The following RCSD1 variants were observed in gnomAD, a reference collection of about 807,000 sequenced individuals.
RCSD1 encodes the protein RCSD domain containing 1.
Under a neutral mutation model 42.5 loss-of-function variants are expected in RCSD1, and 26 were observed. The ratio of observed to expected loss-of-function variants is 0.61; its 90% confidence interval spans 0.45 to 0.85. The LOEUF (loss-of-function observed/expected upper bound fraction) is 0.85. RCSD1 is among the 40% of genes least tolerant of loss of function. The pLI is 0.00. For missense variants in RCSD1, 571 were observed against 528.3 expected (o/e 1.08, Z -0.79); for synonymous variants, 220 against 212.2 (o/e 1.04, Z -0.32).
chr1:167,680,693 G>A (rs555579903), intron 1 of RCSD1, among the ~76,000 whole-genome samples: 3 of 152,186 alleles, frequency 2.0e-5, no homozygotes, highest in Non-Finnish European at 4.4e-5. Context: ...GTCTGGTCTC[G>A]AACTCCTGAG....
intron 1 of RCSD1, among the ~76,000 whole-genome samples, chr1:167,642,705 T>A (rs1344790936): frequency 6.6e-6 from 1 of 152,182 alleles, no homozygotes; most frequent in African/African-American, 2.4e-5. Context: ...CATGGAATTG[T>A]CTACGCCTTT....
rs749213789 is a variant in RCSD1, at chr1:167,697,452, G to A, written c.828G>A (p.Pro276=). 15 of 1,611,376 alleles carry A rather than the reference G, an allele frequency of 9.3e-6. No homozygotes were observed. The highest frequency in any genetic ancestry group is 8.8e-5 in the South Asian group (8 of 90,724). Residue 276 remains proline, a synonymous_variant, in exon 6 of 7, where the codon CCG becomes CCA. Transcript: ENST00000367854. The part of the protein sequence containing the change: ...RSSEEVDGQH[P]AQEEVPESPQ... ...CAGAGGAGGTGGACGGCCAGCACCC[G>A]GCCCAAGAGGAGGTCCCGGAATCGC...
At position 167,697,853 on chromosome 1, in the gene RCSD1, T is replaced by C; in HGVS notation, c.1218+11T>C. 6.9e-7 allele frequency: 1 copy of C among 1,456,040 alleles called. No individual in the cohort carries two copies. Among genetic ancestry groups the C allele is most frequent in the South Asian group, 1.5e-5 (1 of 67,480 alleles). 90.2% of individuals were successfully genotyped at this position (1,456,040 alleles called of 1,614,324 possible). A position where few individuals can be genotyped will look rare whatever the true frequency, so the allele number is the denominator to read the frequency against. ...GTCCCCAAGCCGGAGGTAGGTGGCC[T>C]GGCTCGTTCACATGCAGAAGGCAGT... On this transcript the variant is annotated intron_variant, in intron 6 of 6. Coordinates refer to ENST00000367854, the MANE Select transcript of RCSD1 (RefSeq NM_052862.4).
Position 167,673,346 on chromosome 1 carries a change from A to G in RCSD1, c.7-10554A>G, listed in dbSNP as rs543485227. 2.0e-5 allele frequency among the ~76,000 whole-genome samples: 3 copies of G among 152,342 alleles called. No individual in the cohort carries two copies. In the South Asian group the frequency reaches 6.2e-4, roughly 32 times the overall value. ...ATCTGCTTCCGCGTAATCCTTCTAA[A>G]CAGCAAATCAGATAACTTCCCTCAT... On this transcript the variant is annotated intron_variant, in intron 1 of 6. Coordinates refer to ENST00000367854, the MANE Select transcript of RCSD1 (RefSeq NM_052862.4).
intron 1 of RCSD1, among the ~76,000 whole-genome samples, chr1:167,651,992 C>G (rs551832302): frequency 4.6e-5 from 7 of 151,958 alleles, no homozygotes; most frequent in South Asian, 2.1e-4. Context: ...GAGGTTCCCC[C>G]AGCCCAGGCT....
At chr1:167,677,211 C>T (rs533853910) in intron 1 of RCSD1, among the ~76,000 whole-genome samples, 46 of 152,350 alleles carry the variant, frequency 3.0e-4, no homozygotes, top group African/African-American at 1.1e-3. Flanking sequence ...GCTGTTCACT[C>T]CTTGAGGGCC....
At chr1:167,633,190 TG>T (rs1657747699) in intron 1 of RCSD1, among the ~76,000 whole-genome samples, 1 of 152,212 alleles carries the variant, frequency 6.6e-6, no homozygotes, top group South Asian at 2.1e-4. Context: ...TAAAGCCCTG[TG>T]GAATAAACAA....
In RCSD1 at chr1:167,708,407, C is replaced by T. The variant is rs114357877; in HGVS notation, c.*3711C>T. Among the ~76,000 whole-genome samples, 4,737 of 152,212 alleles carry T rather than the reference C, an allele frequency of 0.031. 233 individuals carry two copies. The highest frequency in any genetic ancestry group is 0.11 in the African/African-American group (4,472 of 41,522). ...CCAACTAGTTCTAGTCAAGTTTTTG[C>T]TCGATGGACCACGTGAAAAAAGGAT... is the stretch of plus-strand genomic sequence containing the variant. On this transcript the variant is annotated 3_prime_UTR_variant, in exon 7 of 7. Coordinates refer to ENST00000367854, the MANE Select transcript of RCSD1 (RefSeq NM_052862.4).
chr1:167,686,288 C>T (rs1234991976), intron 3 of RCSD1, among the ~76,000 whole-genome samples: 3 of 152,174 alleles, frequency 2.0e-5, no homozygotes, highest in Non-Finnish European at 4.4e-5. Context: ...AAGACAATGT[C>T]ATTCCCAAAT....
rs111839916 is a variant in RCSD1, at chr1:167,679,528, G to A, written c.7-4372G>A. 4.5e-3 allele frequency among the ~76,000 whole-genome samples: 690 copies of A among 152,346 alleles called. 4 individuals are homozygous for A. The highest frequency in any genetic ancestry group is 0.016 in the African/African-American group (650 of 41,576). On this transcript the variant is annotated intron_variant, in intron 1 of 6. Coordinates refer to ENST00000367854, the MANE Select transcript of RCSD1 (RefSeq NM_052862.4). ...GTCTTTTTGAAGTGATGATTTAAGC[G>A]TGGTCACACTGGAAGGGGTGATCCC...
intron 1 of RCSD1, among the ~76,000 whole-genome samples, chr1:167,678,442 C>G (rs553609505): frequency 3.1e-4 from 45 of 147,478 alleles, no homozygotes; most frequent in African/African-American, 1.0e-3. Flanking sequence ...CCCCATGCAT[C>G]CCGTTATCCA....
chr1:167,702,276 T>C (rs1368761650), intron 6 of RCSD1, among the ~76,000 whole-genome samples: 7 of 152,224 alleles, frequency 4.6e-5, no homozygotes, highest in African/African-American at 1.7e-4. Context: ...ATCAGACGTG[T>C]GAAAGCACTA....
At chr1:167,647,694 A>G (rs1658196202) in intron 1 of RCSD1, among the ~76,000 whole-genome samples, 1 of 152,180 alleles carries the variant, frequency 6.6e-6, no homozygotes, top group African/African-American at 2.4e-5. Context: ...AGCTGTGATC[A>G]TACCACTGCA....
chr1:167,698,181 TG>T (rs1214899922), intron 6 of RCSD1, among the ~76,000 whole-genome samples: 1 of 152,182 alleles, frequency 6.6e-6, no homozygotes, highest in Non-Finnish European at 1.5e-5. Context: ...TGCAGGAGCC[TG>T]GGCATGCTGC....
chr1:167,645,912 C>T (rs773078420), intron 1 of RCSD1, among the ~76,000 whole-genome samples: 51 of 151,688 alleles, frequency 3.4e-4, no homozygotes, highest in Admixed American at 7.9e-4. Flanking sequence ...GTGGGGCTCA[C>T]GGGATGGAAG....
rs528300750 is a variant in RCSD1, at chr1:167,686,253, A to G, written c.198+743A>G. Among the ~76,000 whole-genome samples the G allele has an allele frequency of 1.3e-4, 20 of 152,286 alleles. 1 individual carries two copies. The South Asian group carries it at 1.5e-3, about 11-fold the overall frequency. On this transcript the variant is annotated intron_variant, in intron 3 of 6. Coordinates refer to ENST00000367854, the MANE Select transcript of RCSD1 (RefSeq NM_052862.4). ...TTCTGTCATCTCACCTGGGAGGCCA[A>G]CCCCAAAATACAGCAAGCAAGCCAA... is the stretch of plus-strand genomic sequence containing the variant.
At chr1:167,639,304 C>T (rs1027631023) in intron 1 of RCSD1, among the ~76,000 whole-genome samples, 4 of 152,174 alleles carry the variant, frequency 2.6e-5, no homozygotes, top group Admixed American at 6.5e-5. Flanking sequence ...GCCTTTGACC[C>T]GCATGTTCAA....
chr1:167,638,926 C>A (rs1558070962), intron 1 of RCSD1, among the ~76,000 whole-genome samples: 1 of 152,158 alleles, frequency 6.6e-6, no homozygotes, highest in Non-Finnish European at 1.5e-5. Flanking sequence ...AGAGTTAAAA[C>A]CAAGGTCCTG....
intron 3 of RCSD1, among the ~76,000 whole-genome samples, chr1:167,689,333 C>G (rs1428337055): frequency 1.3e-5 from 2 of 151,740 alleles, no homozygotes; most frequent in African/African-American, 4.8e-5. Context: ...AATACAAAAA[C>G]TAGCCAGGCA....
Sources: allele counts gnomAD v4.1 joint callset (sites outside exome capture counted in the v4.1 genomes callset), GRCh38; gene constraint gnomAD v4.1.1; transcripts MANE v1.5; gene names NCBI Gene and HGNC (gene_info 2026-07-23, HGNC 2026-07-21).